The following A2ML1 variants were observed in gnomAD, a reference collection of about 807,000 sequenced individuals.
A2ML1 encodes alpha-2-macroglobulin-like protein 1.
A neutral mutation model predicts 181.9 loss-of-function variants in A2ML1; 161 were observed. The ratio of observed to expected loss-of-function variants is 0.89; its 90% CI spans 0.78 to 1.01. The LOEUF (loss-of-function observed/expected upper bound fraction) is 1.01, where lower values mean the gene tolerates loss of function less well. A2ML1 is among the 50% of genes least tolerant of loss of function. The pLI is 0.00. For missense variants in A2ML1, 1,670 were observed against 1,768.1 expected (o/e 0.94, Z 1.00); for synonymous variants, 663 against 666.8 (o/e 0.99, Z 0.09).
chr12:8,868,998 C>G (rs1944530613), intron 32 of A2ML1, 137 bp from the exon 33 acceptor site: 6 of 781,840 alleles, frequency 7.7e-6, no homozygotes, highest in Non-Finnish European at 2.1e-6. Context: ...TGACATGCAA[C>G]TTGTAATAGT....
At chr12:8,858,219 G>T in intron 26 of A2ML1, 117 bp downstream of exon 26, 1 of 1,236,890 alleles carries the variant, frequency 8.1e-7, no homozygotes, top group South Asian at 1.6e-5. Context: ...GATCTCCACT[G>T]TGGCTCTGGG....
In A2ML1 at chr12:8,849,670, A is replaced by T; in HGVS notation, c.2030A>T (p.Asp677Val). ...ACTTATTTCTCTGATGCCTATCAGG[A>T]CGTGGGCCTGAAAATACTGTCCAAT... ...EGTDLFSFFR[D>V]VGLKILSNAK... Residue 677 changes from aspartate to valine, a missense_variant and splice_region_variant, in exon 17 of 36, where the codon GAC (aspartate) becomes GTC (valine). Coordinates refer to ENST00000299698, the MANE Select transcript of A2ML1 (RefSeq NM_144670.6). 6.2e-7 allele frequency: 1 copy of T among 1,613,922 alleles called. No individual in the cohort carries two copies. Among genetic ancestry groups the T allele is most frequent in the Non-Finnish European group, 8.5e-7 (1 of 1,179,772 alleles).
At chr12:8,837,391 T>C in intron 7 of A2ML1, 49 bp from the exon 8 acceptor site, 2 of 1,606,190 alleles carry the variant, frequency 1.2e-6, no homozygotes, top group South Asian at 1.1e-5. Context: ...AAGAGTTGGA[T>C]CTCAAGTGGA....
At position 8,854,265 on chromosome 12, in the gene A2ML1, A is replaced by C. The variant is rs1943987111; in HGVS notation, c.2712+16A>C. ...TCTCGTCAAAGTGAGTTTTCTTCAG[A>C]GGTAGAGACAGCAACCAACCGAGGG... is the stretch of plus-strand genomic sequence containing the variant. On this transcript the variant is annotated intron_variant, in intron 21 of 35. Coordinates refer to ENST00000299698, the MANE Select transcript of A2ML1 (RefSeq NM_144670.6). 2 of 1,580,754 alleles carry C rather than the reference A, an allele frequency of 1.3e-6. No individual in the cohort carries two copies. Among genetic ancestry groups the C allele is most frequent in the East Asian group, 4.5e-5 (2 of 44,238 alleles).
intron 33 of A2ML1, among the ~76,000 whole-genome samples, chr12:8,872,553 G>A (rs1014071967): frequency 2.6e-5 from 4 of 152,054 alleles, no homozygotes; most frequent in East Asian, 3.9e-4. Context: ...AGGCCGAGGC[G>A]GGTGGATCAC....
chr12:8,834,948 C>T, intron 5 of A2ML1: 2 of 519,268 alleles, frequency 3.9e-6, no homozygotes, highest in African/African-American at 1.9e-5. Context: ...CTTCTCTGTG[C>T]CCAGATGACT....
chr12:8,852,160 T>A lies in A2ML1; in HGVS notation c.2464-50T>A. On this transcript the variant is annotated intron_variant, in intron 19 of 35. Coordinates refer to ENST00000299698, the MANE Select transcript of A2ML1 (RefSeq NM_144670.6). The surrounding 1 kb of genome is among the most constrained non-coding windows in gnomAD (Gnocchi z 4.2). ...GCCCCCAGGTTTCCCCAGGCCTCTA[T>A]GCACTACCTCCTTTGTTTGTACCCT... The A allele has an allele frequency of 6.2e-7, 1 of 1,611,500 alleles. No individual in the cohort carries two copies. The highest frequency in any genetic ancestry group is 8.5e-7 in the Non-Finnish European group (1 of 1,178,786).
intron 3 of A2ML1, among the ~76,000 whole-genome samples, chr12:8,826,201 A>G (rs1487656332): frequency 6.6e-6 from 1 of 152,156 alleles, no homozygotes; most frequent in African/African-American, 2.4e-5. Flanking sequence ...AGATTGCCTT[A>G]GGTAGTACGG....
Position 8,857,965 on chromosome 12 carries a change from A to T in A2ML1, c.3127A>T (p.Lys1043Ter). 1 of 1,614,128 alleles carries T rather than the reference A, an allele frequency of 6.2e-7. No homozygotes were observed. Among genetic ancestry groups the T allele is most frequent in the South Asian group, 1.1e-5 (1 of 91,086 alleles). ...ATGTAGGCTGACAGCGTTTGTCACA[A>T]AATGCTTTGGCCAAGCTCAGAAATT... is the stretch of plus-strand genomic sequence containing the variant. ...GNTWLTAFVT[K>*]CFGQAQKFIF... The change falls in exon 26 of 36, where the codon AAA becomes TAA. Residue 1043 changes from lysine (K) to a stop codon, truncating the protein, a stop_gained. Coordinates refer to ENST00000299698, the MANE Select transcript of A2ML1 (RefSeq NM_144670.6). LOFTEE classifies it high-confidence loss of function.
chr12:8,843,369 C>A lies in A2ML1; in HGVS notation c.1476+8C>A. ...ATCAGCTTCTCCTACTATGTGAGAC[C>A]GGGAAACGGGGACGGGTGAGAGTAT... On this transcript the variant is annotated splice_region_variant and intron_variant, in intron 12 of 35. Coordinates refer to ENST00000299698, the MANE Select transcript of A2ML1 (RefSeq NM_144670.6). The A allele has an allele frequency of 6.2e-7, 1 of 1,611,080 alleles. No individual in the cohort carries two copies. Among genetic ancestry groups the A allele is most frequent in the South Asian group, 1.1e-5 (1 of 90,984 alleles).
rs752438209 is a variant in A2ML1, at chr12:8,848,011, G to T, written c.1833+313G>T. 4.7e-3 allele frequency among the ~76,000 whole-genome samples: 646 copies of T among 137,024 alleles called. 3 individuals are homozygous for T. Among genetic ancestry groups the T allele is most frequent in the Non-Finnish European group, 7.8e-3 (499 of 63,924 alleles). The allele number at this position is 137,024 out of a possible 152,430, so 89.9% of individuals were successfully genotyped here. On this transcript the variant is annotated intron_variant, in intron 15 of 35. Transcript: ENST00000299698. The stretch of plus-strand genomic sequence containing the variant: ...AGAAAAAAAAAAAAAAAATTAACTG[G>T]GCATGGGCCCATGCCTGTAATCCTG...
In A2ML1 at chr12:8,845,861, A is replaced by T. The variant is rs10842392; in HGVS notation, c.1538-216A>T. 0.49 allele frequency among the ~76,000 whole-genome samples: 42,816 copies of T among 87,138 alleles called. 7,811 individuals are homozygous for T. Among genetic ancestry groups the T allele is most frequent in the East Asian group, 0.79 (3,827 of 4,848 alleles). The allele number at this position is 87,138 out of a possible 152,430, so 57.2% of individuals were successfully genotyped here. On this transcript the variant is annotated intron_variant, in intron 13 of 35. Coordinates refer to ENST00000299698, the MANE Select transcript of A2ML1 (RefSeq NM_144670.6). ...CGAGACTCCGTCTCAAAAAAAAAAA[A>T]AAATAAATAAAATAAAATAAAATAA...
intron 9 of A2ML1, 49 bp downstream of exon 9, chr12:8,838,499 C>A: frequency 1.4e-6 from 2 of 1,468,882 alleles, no homozygotes; most frequent in Non-Finnish European, 1.9e-6. Context: ...AGAAAAAGGG[C>A]TGGTCCCAGG....
intron 18 of A2ML1, among the ~76,000 whole-genome samples, chr12:8,850,986 G>T (rs1315429952): frequency 6.6e-6 from 1 of 152,100 alleles, no homozygotes; most frequent in African/African-American, 2.4e-5. Flanking sequence ...TGATCCACCC[G>T]CCTTGGCCTC....
Position 8,886,010 on chromosome 12 carries a change from TCA to T in A2ML1, c.*95-463_*95-462del, listed in dbSNP as rs35294269. On this transcript the variant is annotated intron_variant and NMD_transcript_variant, in intron 7 of 7. Coordinates refer to the A2ML1 transcript ENST00000537475. The stretch of plus-strand genomic sequence containing the variant: ...ACTTCGCCTATCCTTCAACAATATC[TCA>T]CACACACACACACACACACACACAC... 5.5e-3 allele frequency among the ~76,000 whole-genome samples: 802 copies of T among 144,980 alleles called. 3 individuals are homozygous for T. Among genetic ancestry groups the T allele is most frequent in the Non-Finnish European group, 7.6e-3 (506 of 66,378 alleles).
At chr12:8,841,283 T>C in intron 10 of A2ML1, 86 bp from the exon 11 acceptor site, 1 of 1,280,240 alleles carries the variant, frequency 7.8e-7, no homozygotes, top group Non-Finnish European at 1.1e-6. Context: ...CCACAATTAG[T>C]TTGCACCAAC....
downstream of A2ML1, among the ~76,000 whole-genome samples, chr12:8,881,444 A>T (rs1171620907): frequency 6.6e-6 from 1 of 152,222 alleles, no homozygotes; most frequent in East Asian, 1.9e-4. Flanking sequence ...GTTTACGCAG[A>T]TTCAAGTTGG....
At chr12:8,874,887 C>A (rs1359054167) in intron 34 of A2ML1, 84 bp from the exon 35 acceptor site, 3 of 1,360,424 alleles carry the variant, frequency 2.2e-6, no homozygotes, top group Non-Finnish European at 3.1e-6. Flanking sequence ...CTGGAAGGGG[C>A]TCAAGCAGTA....
chr12:8,836,480 C>CT, intron 7 of A2ML1, 141 bp downstream of exon 7: 3 of 528,464 alleles, frequency 5.7e-6, no homozygotes, highest in Non-Finnish European at 9.7e-6. Flanking sequence ...TTATCCAAGA[C>CT]CTTTTTTTTT....
Sources: allele counts gnomAD v4.1 joint callset (sites outside exome capture counted in the v4.1 genomes callset), GRCh38; gene constraint gnomAD v4.1.1; non-coding constraint Gnocchi (gnomAD v3.1); transcripts MANE v1.5; gene names NCBI Gene and HGNC (gene_info 2026-07-23, HGNC 2026-07-21).